Variants in CNTN5 observed in about 807,000 individuals in gnomAD.
CNTN5 encodes contactin 5.
Under a neutral mutation model 129.1 loss-of-function variants are expected in CNTN5, and 77 were observed. The ratio of observed to expected loss-of-function variants is 0.60; its 90% CI spans 0.50 to 0.72. The LOEUF is 0.72. Among genes scored for constraint, CNTN5 ranks in the 30% least tolerant of loss-of-function variants. CNTN5 has a pLI of 0.00. For synonymous variants in CNTN5, 509 were observed against 465.6 expected (o/e 1.09, Z -1.20); for missense variants, 1,478 against 1,328.8 (o/e 1.11, Z -1.75).
chr11:99,459,636 T>TTA (rs1462282918), intron 2 of CNTN5, among the ~76,000 whole-genome samples: 1 of 152,008 alleles, frequency 6.6e-6, no homozygotes, highest in Non-Finnish European at 1.5e-5. Flanking sequence ...AGGAATATAT[T>TTA]TTTTTCTATT....
At chr11:100,056,916 A>G (rs1275508185) in intron 9 of CNTN5, among the ~76,000 whole-genome samples, 1 of 151,804 alleles carries the variant, frequency 6.6e-6, no homozygotes, top group African/African-American at 2.4e-5. Context: ...AACAAAAGCT[A>G]TATAAAAACT....
At chr11:100,087,848 T>G (rs1591214019) in intron 13 of CNTN5, among the ~76,000 whole-genome samples, 1 of 151,492 alleles carries the variant, frequency 6.6e-6, no homozygotes, top group Admixed American at 6.6e-5. Flanking sequence ...GAAACACACT[T>G]CCAAGATCTA....
intron 3 of CNTN5, among the ~76,000 whole-genome samples, chr11:99,614,857 C>A (rs1950710009): frequency 6.6e-6 from 1 of 151,922 alleles, no homozygotes; most frequent in African/African-American, 2.4e-5. Context: ...AGAAGTATCC[C>A]CTTTTTCTGT....
intron 21 of CNTN5, among the ~76,000 whole-genome samples, chr11:100,312,005 G>T (rs1373834098): frequency 6.6e-6 from 1 of 151,958 alleles, no homozygotes; most frequent in African/African-American, 2.4e-5. Context: ...TGACATTTTT[G>T]AATTAAAATA....
rs145346680 is a variant in CNTN5 at position 99,974,128 on chromosome 11, A to G, written c.877+17119A>G. On this transcript the variant is annotated intron_variant, in intron 8 of 24. Transcript: ENST00000524871. Reference sequence around the variant, plus strand: ...TTAACATTCTTCCTTTGCACCAGCCACTATGCTAAAAGCATTTCATACATT... The same window carrying G: ...TTAACATTCTTCCTTTGCACCAGCCGCTATGCTAAAAGCATTTCATACATT... Among the ~76,000 whole-genome samples the G allele has an allele frequency of 2.4e-3, 367 of 152,374 alleles. 2 individuals carry two copies. Among genetic ancestry groups the G allele is most frequent in the African/African-American group, 8.5e-3 (352 of 41,590 alleles).
chr11:99,610,484 A>G (rs1358757369), intron 3 of CNTN5, among the ~76,000 whole-genome samples: 1 of 152,186 alleles, frequency 6.6e-6, no homozygotes, highest in African/African-American at 2.4e-5. Flanking sequence ...TTTGTTTTCC[A>G]GACAGTGCTT....
chr11:99,583,282 TGAG>T (rs1297841735), intron 3 of CNTN5, among the ~76,000 whole-genome samples: 2 of 152,182 alleles, frequency 1.3e-5, no homozygotes, highest in Non-Finnish European at 2.9e-5. Flanking sequence ...GGGACCCACT[TGAG>T]GAGGCTGTCT....
At chr11:99,787,034 G>C (rs1025684953) in intron 3 of CNTN5, among the ~76,000 whole-genome samples, 1 of 151,794 alleles carries the variant, frequency 6.6e-6, no homozygotes, top group African/African-American at 2.4e-5. Flanking sequence ...AGTATGTTCG[G>C]ATATGAATTT....
intron 3 of CNTN5, among the ~76,000 whole-genome samples, chr11:99,814,790 T>A (rs2135532545): frequency 6.6e-6 from 1 of 152,248 alleles, no homozygotes; most frequent in South Asian, 2.1e-4. Flanking sequence ...TGTATTAGTC[T>A]GTCTCCACCC....
chr11:99,944,473 CA>C (rs1176738151), intron 7 of CNTN5, among the ~76,000 whole-genome samples: 5 of 152,110 alleles, frequency 3.3e-5, no homozygotes, highest in African/African-American at 9.7e-5. Context: ...TGCCCTCTTT[CA>C]CCACTTCTAT....
At chr11:100,226,796 T>C (rs937503077) in intron 16 of CNTN5, among the ~76,000 whole-genome samples, 1 of 152,186 alleles carries the variant, frequency 6.6e-6, no homozygotes, top group African/African-American at 2.4e-5. Context: ...TCCTGGTAAT[T>C]CAACAAGCTT....
chr11:99,707,064 C>G (rs1163835189), intron 3 of CNTN5, among the ~76,000 whole-genome samples: 4 of 151,346 alleles, frequency 2.6e-5, no homozygotes, highest in Non-Finnish European at 5.9e-5. Context: ...AGATTAGTTT[C>G]TAAGTGGTAA....
chr11:99,742,981 TTG>T (rs1461573863), intron 3 of CNTN5, among the ~76,000 whole-genome samples: 1 of 152,188 alleles, frequency 6.6e-6, no homozygotes, highest in African/African-American at 2.4e-5. Flanking sequence ...TTATCTTAGC[TTG>T]TGTGGCTAAA....
chr11:99,932,804 A>G (rs1950223070), intron 7 of CNTN5, among the ~76,000 whole-genome samples: 2 of 152,198 alleles, frequency 1.3e-5, no homozygotes, highest in Admixed American at 1.3e-4. Context: ...TTAACAAAGT[A>G]ACAAAGGATT....
intron 2 of CNTN5, among the ~76,000 whole-genome samples, chr11:99,358,670 CA>C (rs1938885841): frequency 6.6e-6 from 1 of 152,026 alleles, no homozygotes. Flanking sequence ...AATCAGAAGG[CA>C]AATATTATTT....
chr11:99,177,951 G>A (rs1200702935), intron 1 of CNTN5, among the ~76,000 whole-genome samples: 1 of 152,086 alleles, frequency 6.6e-6, no homozygotes, highest in Non-Finnish European at 1.5e-5. Flanking sequence ...ACTTTGTAGA[G>A]AACTATATGA....
chr11:99,758,444 C>A (rs1385036014), intron 3 of CNTN5, among the ~76,000 whole-genome samples: 1 of 151,990 alleles, frequency 6.6e-6, no homozygotes, highest in Admixed American at 6.6e-5. Context: ...AATAAGAAAT[C>A]TGCCTTTTTA....
At chr11:100,318,424 C>A (rs187173225) in intron 21 of CNTN5, among the ~76,000 whole-genome samples, 145 of 152,018 alleles carry the variant, frequency 9.5e-4, no homozygotes, top group African/African-American at 3.4e-3. Flanking sequence ...AGAGCATCCA[C>A]GCAAAAATAT....
intron 1 of CNTN5, among the ~76,000 whole-genome samples, chr11:99,029,107 A>G (rs915230848): frequency 6.6e-6 from 1 of 151,086 alleles, no homozygotes; most frequent in Non-Finnish European, 1.5e-5. Flanking sequence ...AAAAATATCT[A>G]CTTTTCAATG....
Sources: gnomAD v4.1 joint callset for allele counts (sites outside exome capture counted in the v4.1 genomes callset) on GRCh38, gnomAD v4.1.1 for gene constraint, MANE v1.5 for transcripts, NCBI Gene and HGNC (gene_info 2026-07-23, HGNC 2026-07-21) for gene names.